The following ST6GALNAC5 variants were observed in gnomAD, a reference collection of about 807,000 sequenced individuals.
ST6GALNAC5 encodes alpha-N-acetylgalactosaminide alpha-2,6-sialyltransferase 5.
Under a neutral mutation model 33.6 loss-of-function variants are expected in ST6GALNAC5, and 27 were observed. That is an observed-to-expected ratio of 0.80 (90% CI 0.59 to 1.11). The LOEUF (loss-of-function observed/expected upper bound fraction) is 1.11, where lower values mean the gene tolerates loss of function less well. Ranked by LOEUF, ST6GALNAC5 falls within the 50% of genes least tolerant of loss-of-function variation. ST6GALNAC5 has a pLI of 0.00. For synonymous variants in ST6GALNAC5, 194 were observed against 171.2 expected (o/e 1.13, Z -1.04); for missense variants, 428 against 454.0 (o/e 0.94, Z 0.52).
intron 2 of ST6GALNAC5, among the ~76,000 whole-genome samples, chr1:76,995,003 C>T (rs1208149693): frequency 6.6e-6 from 1 of 152,146 alleles, no homozygotes; most frequent in Non-Finnish European, 1.5e-5. Context: ...AATTACCCTC[C>T]AGAATTCATA....
At chr1:76,994,068 A>C (rs189143284) in intron 2 of ST6GALNAC5, among the ~76,000 whole-genome samples, 1 of 152,328 alleles carries the variant, frequency 6.6e-6, no homozygotes, top group African/African-American at 2.4e-5. Context: ...TATTTTTCTT[A>C]TCAGAGAAGG....
intron 2 of ST6GALNAC5, among the ~76,000 whole-genome samples, chr1:76,998,095 C>A (rs150859190): frequency 6.6e-6 from 1 of 152,126 alleles, no homozygotes; most frequent in African/African-American, 2.4e-5. Flanking sequence ...CACAGCTATG[C>A]GGAACTACGA....
intron 2 of ST6GALNAC5, among the ~76,000 whole-genome samples, chr1:76,885,559 G>C (rs1653873712): frequency 6.6e-6 from 1 of 152,158 alleles, no homozygotes; most frequent in Non-Finnish European, 1.5e-5. Flanking sequence ...TTTAAAGGAG[G>C]GGATGGCTTT....
At chr1:77,003,716 G>C (rs1286092081) in intron 2 of ST6GALNAC5, among the ~76,000 whole-genome samples, 1 of 151,740 alleles carries the variant, frequency 6.6e-6, no homozygotes, top group African/African-American at 2.4e-5. Flanking sequence ...GCATTTGCTT[G>C]TCTGTAAAGG....
chr1:76,991,382 C>A (rs1649722501), intron 2 of ST6GALNAC5, among the ~76,000 whole-genome samples: 1 of 152,176 alleles, frequency 6.6e-6, no homozygotes, highest in Non-Finnish European at 1.5e-5. Context: ...TATATATCAT[C>A]AAGTTCAAAT....
At chr1:76,957,828 T>C (rs1648067625) in intron 2 of ST6GALNAC5, among the ~76,000 whole-genome samples, 1 of 152,160 alleles carries the variant, frequency 6.6e-6, no homozygotes, top group Admixed American at 6.5e-5. Flanking sequence ...AAAAACATTC[T>C]TTATAGCTGA....
intron 2 of ST6GALNAC5, among the ~76,000 whole-genome samples, chr1:77,005,267 T>C (rs1650356843): frequency 6.6e-6 from 1 of 152,198 alleles, no homozygotes; most frequent in African/African-American, 2.4e-5. Context: ...GGTGCGTCTG[T>C]CACCCCTTTC....
At chr1:76,914,050 C>T (rs1279600766) in intron 2 of ST6GALNAC5, among the ~76,000 whole-genome samples, 3 of 152,112 alleles carry the variant, frequency 2.0e-5, no homozygotes, top group Non-Finnish European at 2.9e-5. Flanking sequence ...ACACCAATAA[C>T]AGACAGAGAG....
At position 76,868,435 on chromosome 1, in the gene ST6GALNAC5, G is replaced by T; in HGVS notation, c.16-62G>T. 1.9e-6 allele frequency: 3 copies of T among 1,544,434 alleles called. No individual in the cohort carries two copies. The highest frequency in any genetic ancestry group is 8.7e-7 in the Non-Finnish European group (1 of 1,143,620). Reference sequence around the variant, plus strand: ...GACCACCGCACAGTTGTCCCCGCTGGGCGCGCTCCTCCGGTGTCTGCGCTC... The same window carrying T: ...GACCACCGCACAGTTGTCCCCGCTGTGCGCGCTCCTCCGGTGTCTGCGCTC... On this transcript the variant is annotated intron_variant, in intron 1 of 4. Coordinates refer to ENST00000477717, the MANE Select transcript of ST6GALNAC5 (RefSeq NM_030965.3). The surrounding 1 kb of genome is among the most constrained non-coding windows in gnomAD (Gnocchi z 4.3).
intron 2 of ST6GALNAC5, among the ~76,000 whole-genome samples, chr1:76,879,813 C>G (rs901908524): frequency 6.6e-6 from 1 of 151,924 alleles, no homozygotes; most frequent in Non-Finnish European, 1.5e-5. Context: ...CTCAGTATCC[C>G]CAGCTTCATT....
chr1:77,033,808 A>G (rs181816742), intron 2 of ST6GALNAC5, among the ~76,000 whole-genome samples: 27 of 152,262 alleles, frequency 1.8e-4, no homozygotes, highest in African/African-American at 6.3e-4. Flanking sequence ...AATAGAGAGT[A>G]GGGTGGGGAG....
At chr1:77,028,305 A>G (rs531996503) in intron 2 of ST6GALNAC5, among the ~76,000 whole-genome samples, 39 of 152,292 alleles carry the variant, frequency 2.6e-4, no homozygotes, top group African/African-American at 9.1e-4. Context: ...CTTCCTAGCA[A>G]ATCAGGTTCC....
intron 2 of ST6GALNAC5, among the ~76,000 whole-genome samples, chr1:77,039,788 A>G (rs1214548234): frequency 6.6e-6 from 1 of 152,188 alleles, no homozygotes; most frequent in African/African-American, 2.4e-5. Flanking sequence ...GAGGCTGAAC[A>G]CTATGAGGAA....
rs575166304 is a variant in ST6GALNAC5 at position 77,066,208 on chromosome 1, A to G, written c.*3002A>G. ...TAAGGGCTACACATAAAACCTGAGCAATTCAGAGACTTCTGAGGTCATCAG... is the reference window on the plus strand; with the variant it reads ...TAAGGGCTACACATAAAACCTGAGCGATTCAGAGACTTCTGAGGTCATCAG... On this transcript the variant is annotated 3_prime_UTR_variant, in exon 5 of 5. Transcript: ENST00000477717. 6.6e-6 allele frequency among the ~76,000 whole-genome samples: 1 copy of G among 152,120 alleles called. No individual in the cohort carries two copies. Among genetic ancestry groups the G allele is most frequent in the Non-Finnish European group, 1.5e-5 (1 of 68,014 alleles).
intron 2 of ST6GALNAC5, among the ~76,000 whole-genome samples, chr1:76,983,067 G>C (rs559624417): frequency 1.3e-5 from 2 of 151,386 alleles, no homozygotes; most frequent in East Asian, 4.4e-4. Context: ...ATGCCAAATT[G>C]TAAAGACCAT....
At chr1:76,930,641 G>A (rs1052883029) in intron 2 of ST6GALNAC5, among the ~76,000 whole-genome samples, 10 of 151,860 alleles carry the variant, frequency 6.6e-5, no homozygotes, top group East Asian at 3.9e-4. Context: ...TTTTTTCTTC[G>A]CATTATGGCA....
At chr1:76,976,500 C>T (rs1168441955) in intron 2 of ST6GALNAC5, among the ~76,000 whole-genome samples, 2 of 151,926 alleles carry the variant, frequency 1.3e-5, no homozygotes, top group African/African-American at 2.4e-5. Flanking sequence ...GTATAATTAC[C>T]CATTCTTTAA....
chr1:76,939,622 G>T (rs186581315), intron 2 of ST6GALNAC5, among the ~76,000 whole-genome samples: 2 of 152,040 alleles, frequency 1.3e-5, no homozygotes, highest in Admixed American at 6.6e-5. Context: ...GCTCACTAAC[G>T]GTGTCTCCCT....
chr1:76,973,891 A>G (rs1053458266), intron 2 of ST6GALNAC5, among the ~76,000 whole-genome samples: 6 of 117,046 alleles, frequency 5.1e-5, no homozygotes, highest in Non-Finnish European at 8.5e-5. Context: ...TATCTTTCCA[A>G]GTTTTATGTT....
Sources: allele counts gnomAD v4.1 joint callset (sites outside exome capture counted in the v4.1 genomes callset), GRCh38; gene constraint gnomAD v4.1.1; non-coding constraint Gnocchi (gnomAD v3.1); transcripts MANE v1.5; gene names NCBI Gene and HGNC (gene_info 2026-07-23, HGNC 2026-07-21).